The following DCHS2 variants were observed in gnomAD, a reference collection of about 807,000 sequenced individuals.
DCHS2 encodes dachsous cadherin-related 2.
In DCHS2, 142 loss-of-function variants were observed where a neutral mutation model predicts 182.4. The ratio of observed to expected loss-of-function variants is 0.78; its 90% confidence interval spans 0.68 to 0.89. DCHS2 has a LOEUF of 0.89. Ranked by LOEUF, DCHS2 falls within the 40% of genes least tolerant of loss-of-function variation. The pLI is 0.00. For missense variants in DCHS2, 4,319 were observed against 4,198.6 expected, an observed-to-expected ratio of 1.03 and a Z score of -0.79; for synonymous variants, 1,740 against 1,663.3, an observed-to-expected ratio of 1.05 and a Z score of -1.12.
chr4:154,372,132 A>G (rs373411795), intron 2 of DCHS2, among the ~76,000 whole-genome samples: 1 of 152,202 alleles, frequency 6.6e-6, no homozygotes, highest in Admixed American at 6.5e-5. Flanking sequence ...CTGGTCATAT[A>G]TTAAAGAATG....
At chr4:154,255,914 T>C (rs1732643630) in intron 15 of DCHS2, among the ~76,000 whole-genome samples, 1 of 152,218 alleles carries the variant, frequency 6.6e-6, no homozygotes, top group African/African-American at 2.4e-5. Flanking sequence ...TACATGTTTT[T>C]GAGGTATAAT....
chr4:154,353,295 T>G (rs768954309), intron 3 of DCHS2, among the ~76,000 whole-genome samples: 1 of 149,788 alleles, frequency 6.7e-6, no homozygotes, highest in Non-Finnish European at 1.5e-5. Flanking sequence ...AGCCCACAAT[T>G]AAAAAAAAAC....
At chr4:154,441,388 A>G (rs1734005194) in intron 1 of DCHS2, among the ~76,000 whole-genome samples, 1 of 152,166 alleles carries the variant, frequency 6.6e-6, no homozygotes, top group African/African-American at 2.4e-5. Flanking sequence ...ACAGTAAATA[A>G]TGTTCTTTTT....
intron 5 of DCHS2, chr4:154,331,731 C>A (rs192871909): frequency 1.9e-4 from 298 of 1,605,696 alleles, no homozygotes; most frequent in Admixed American, 7.9e-4. Context: ...AAAAAGGGAG[C>A]TTCTTCTCAT....
At chr4:154,335,517 C>G (rs1005771503) in intron 3 of DCHS2, among the ~76,000 whole-genome samples, 1 of 152,212 alleles carries the variant, frequency 6.6e-6, no homozygotes, top group Non-Finnish European at 1.5e-5. Flanking sequence ...AACTATACGA[C>G]TGGCTCTCCT....
chr4:154,352,007 A>G (rs538473059), intron 3 of DCHS2, among the ~76,000 whole-genome samples: 2 of 152,152 alleles, frequency 1.3e-5, no homozygotes, highest in East Asian at 1.9e-4. Context: ...GGTGCATTCA[A>G]CTCACCTGAG....
rs1464795424 is a variant in DCHS2 at position 154,366,158 on chromosome 4, T to C, written c.2476+52A>G. On this transcript the variant is annotated intron_variant, in intron 3 of 19. Coordinates refer to ENST00000357232, the MANE Select transcript of DCHS2 (RefSeq NM_001358235.2). ...TTCTAATTTTCTGGCTGTTAAGTAG[T>C]TAAGCAGAAACTTTATAGCCAAAGG... The C allele has an allele frequency of 4.8e-6, 7 of 1,471,170 alleles. No individual in the cohort carries two copies. The East Asian group carries it at 1.6e-4, about 34-fold the overall frequency. 91.1% of individuals were successfully genotyped at this position (1,471,170 alleles called of 1,614,324 possible).
intron 1 of DCHS2, among the ~76,000 whole-genome samples, chr4:154,465,280 C>A (rs1177649899): frequency 6.6e-6 from 1 of 152,112 alleles, no homozygotes; most frequent in Non-Finnish European, 1.5e-5. Context: ...CAGTTCCTCA[C>A]TGTGTGGGTT....
At chr4:154,273,466 G>T (rs904664680) in intron 13 of DCHS2, among the ~76,000 whole-genome samples, 2 of 151,978 alleles carry the variant, frequency 1.3e-5, no homozygotes, top group Non-Finnish European at 2.9e-5. Flanking sequence ...GAAAAGGTGG[G>T]GAAGTGAAGG....
chr4:154,251,540 C>CAA (rs1421660908), intron 16 of DCHS2, among the ~76,000 whole-genome samples: 1 of 152,024 alleles, frequency 6.6e-6, no homozygotes, highest in East Asian at 1.9e-4. Context: ...TTTTTTGAGA[C>CAA]AAAGTCTCAC....
At position 154,377,168 on chromosome 4, in the gene DCHS2, T is replaced by C. The variant is rs149773336; in HGVS notation, c.2244+85A>G. The C allele has an allele frequency of 1.6e-3, 2,079 of 1,322,480 alleles. 8 individuals carry two copies. Among genetic ancestry groups the C allele is most frequent in the Middle Eastern group, 0.01 (38 of 3,790 alleles). The allele number at this position is 1,322,480 out of a possible 1,614,324, so 81.9% of individuals were successfully genotyped here. ...CACATGAAACAGAATGACCCAATTG[T>C]TGATCATCATTGGTCCTCTGTGATG... On this transcript the variant is annotated intron_variant, in intron 2 of 19. Transcript: ENST00000357232.
At position 154,236,603 on chromosome 4, in the gene DCHS2, G is replaced by A. The variant is rs776752159; in HGVS notation, c.8049C>T (p.His2683=). 16 of 1,613,878 alleles carry A rather than the reference G, an allele frequency of 9.9e-6. No individual in the cohort carries two copies. Among genetic ancestry groups the A allele is most frequent in the Non-Finnish European group, 1.4e-5 (16 of 1,179,940 alleles). The change falls in exon 20 of 20, where the codon CAC becomes CAT. Residue 2683 remains histidine (H), a synonymous_variant. Transcript: ENST00000357232. ...GGTCATTTGCTGAGACCACAGTGAT[G>A]TGACTCCCTAGAGGGGTGCTTTCCT... ...HVKESTPLGS[H]ITVVSANDRD...
chr4:154,271,882 A>G (rs1021772409), intron 13 of DCHS2, among the ~76,000 whole-genome samples: 1 of 152,120 alleles, frequency 6.6e-6, no homozygotes, highest in Non-Finnish European at 1.5e-5. Context: ...TATGATCAGT[A>G]TCATGATCAT....
chr4:154,233,228 A>G lies in DCHS2; in HGVS notation c.*1308T>C, dbSNP rs893268650. The G allele has an allele frequency of 6.6e-6, 1 of 152,126 alleles. No individual in the cohort carries two copies. The highest frequency in any genetic ancestry group is 1.5e-5 in the Non-Finnish European group (1 of 68,022). The allele number at this position is 152,126 out of a possible 1,614,324, so 9.4% of individuals were successfully genotyped here. On this transcript the variant is annotated 3_prime_UTR_variant, in exon 20 of 20. Transcript: ENST00000357232. ...ACAGGAAGAGGACTTCTGAACCACC[A>G]TCGTCAGGATGCTGTCCACCTTCCT... is the stretch of plus-strand genomic sequence containing the variant.
chr4:154,269,487 TTGTTGTTG>T, intron 14 of DCHS2: 1 of 165,688 alleles, frequency 6.0e-6, no homozygotes, highest in South Asian at 1.7e-4. Context: ...TGTTCTTTTT[TTGTTGTTG>T]TGTTGTTGAC....
At chr4:154,472,990 A>G (rs1181277405) in intron 1 of DCHS2, among the ~76,000 whole-genome samples, 1 of 152,226 alleles carries the variant, frequency 6.6e-6, no homozygotes, top group Non-Finnish European at 1.5e-5. Context: ...AGTAAGGGGA[A>G]GCAACACAGT....
chr4:154,286,781 A>T (rs1734419716), intron 13 of DCHS2, among the ~76,000 whole-genome samples: 1 of 152,170 alleles, frequency 6.6e-6, no homozygotes, highest in Non-Finnish European at 1.5e-5. Context: ...AAGAGGTAAG[A>T]GTACAAAGTT....
chr4:154,376,982 A>C (rs1177002560), intron 2 of DCHS2, among the ~76,000 whole-genome samples: 1 of 152,222 alleles, frequency 6.6e-6, no homozygotes, highest in Non-Finnish European at 1.5e-5. Flanking sequence ...AAGAAAATTT[A>C]ACATAGAAAG....
chr4:154,272,855 C>A (rs1249479000), intron 13 of DCHS2, among the ~76,000 whole-genome samples: 1 of 152,072 alleles, frequency 6.6e-6, no homozygotes, highest in Admixed American at 6.6e-5. Context: ...TATCTGGTGT[C>A]TGGTGATATT....
Sources: allele counts gnomAD v4.1 joint callset (sites outside exome capture counted in the v4.1 genomes callset), GRCh38; gene constraint gnomAD v4.1.1; transcripts MANE v1.5; gene names NCBI Gene and HGNC (gene_info 2026-07-23, HGNC 2026-07-21).